The following DSCAM variants were observed in gnomAD, a reference collection of about 807,000 sequenced individuals.
DSCAM encodes cell adhesion molecule DSCAM.
Under a neutral mutation model 217.7 loss-of-function variants are expected in DSCAM, and 47 were observed. The ratio of observed to expected loss-of-function variants is 0.22; its 90% CI spans 0.17 to 0.28. The LOEUF (loss-of-function observed/expected upper bound fraction) is 0.28, where lower values mean the gene tolerates loss of function less well. DSCAM is among the 10% of genes least tolerant of loss of function. DSCAM has a pLI of 1.00. For missense variants in DSCAM, 2,080 were observed against 2,618.3 expected (o/e 0.79, Z 4.49); for synonymous variants, 1,056 against 1,015.3 (o/e 1.04, Z -0.76).
At chr21:40,604,970 G>C (rs2089213233) in intron 3 of DSCAM, among the ~76,000 whole-genome samples, 2 of 152,150 alleles carry the variant, frequency 1.3e-5, no homozygotes, top group Non-Finnish European at 2.9e-5. Context: ...ACAATGTTCT[G>C]GTAAGGTAGC....
intron 6 of DSCAM, among the ~76,000 whole-genome samples, chr21:40,343,047 T>G (rs555438014): frequency 6.2e-4 from 94 of 152,308 alleles, no homozygotes; most frequent in African/African-American, 2.2e-3. Flanking sequence ...GTTTAAAATA[T>G]ATTCCTATCT....
intron 3 of DSCAM, among the ~76,000 whole-genome samples, chr21:40,524,341 T>C (rs1422355964): frequency 6.6e-6 from 1 of 151,740 alleles, no homozygotes; most frequent in African/African-American, 2.4e-5. Context: ...GATAATTCTC[T>C]TTTTTTTCCT....
At chr21:40,391,997 G>A (rs1014385861) in intron 3 of DSCAM, among the ~76,000 whole-genome samples, 9 of 152,158 alleles carry the variant, frequency 5.9e-5, no homozygotes, top group Non-Finnish European at 1.2e-4. Flanking sequence ...GAACCACGCC[G>A]GTGAAATACC....
At chr21:40,737,044 G>A (rs1601192517) in intron 1 of DSCAM, among the ~76,000 whole-genome samples, 1 of 152,176 alleles carries the variant, frequency 6.6e-6, no homozygotes. Flanking sequence ...CAATCAGAAA[G>A]CAAGTTGATG....
intron 11 of DSCAM, among the ~76,000 whole-genome samples, chr21:40,234,315 G>C (rs555329697): frequency 6.6e-6 from 1 of 152,314 alleles, no homozygotes; most frequent in Non-Finnish European, 1.5e-5. Flanking sequence ...CTTTGGACAA[G>C]TAGTTTAACA....
chr21:40,748,996 C>T lies in DSCAM; in HGVS notation c.44-40225G>A, dbSNP rs151010511. On this transcript the variant is annotated intron_variant, in intron 1 of 32. Coordinates refer to ENST00000400454, the MANE Select transcript of DSCAM (RefSeq NM_001389.5). ...CTCATTGGGGAAAGGACAGTATCCT[C>T]AATAAACGGTCCTCGGAAACTGGAT... Among the ~76,000 whole-genome samples, 517 of 152,186 alleles carry T rather than the reference C, an allele frequency of 3.4e-3. 3 individuals are homozygous for T. The highest frequency in any genetic ancestry group is 0.012 in the African/African-American group (492 of 41,534).
chr21:40,016,289 T>G lies in DSCAM; in HGVS notation c.5687-2903A>C, dbSNP rs2088156225. ...GGAGTGGTGACAGAGGAGAAGGGGTTAGGGGTGACTCCTTCCCAGGCTCTA... is the reference window on the plus strand; with the variant it reads ...GGAGTGGTGACAGAGGAGAAGGGGTGAGGGGTGACTCCTTCCCAGGCTCTA... On this transcript the variant is annotated intron_variant, in intron 32 of 32. Transcript: ENST00000400454. The surrounding 1 kb of genome is among the most constrained non-coding windows in gnomAD (Gnocchi z 4.3). Among the ~76,000 whole-genome samples the G allele has an allele frequency of 6.6e-6, 1 of 152,072 alleles. No individual in the cohort carries two copies. The highest frequency in any genetic ancestry group is 2.1e-4 in the South Asian group (1 of 4,828).
At chr21:40,379,580 T>C (rs2075000101) in intron 3 of DSCAM, among the ~76,000 whole-genome samples, 1 of 152,196 alleles carries the variant, frequency 6.6e-6, no homozygotes, top group African/African-American at 2.4e-5. Context: ...TGTCTCTTCC[T>C]GAACTTCTGT....
intron 3 of DSCAM, among the ~76,000 whole-genome samples, chr21:40,425,536 C>A (rs2075464714): frequency 6.7e-6 from 1 of 149,420 alleles, no homozygotes; most frequent in African/African-American, 2.4e-5. Flanking sequence ...TTTTTACCCC[C>A]CCCTAAAAAA....
intron 1 of DSCAM, among the ~76,000 whole-genome samples, chr21:40,746,120 C>T (rs754984130): frequency 6.7e-6 from 1 of 149,916 alleles, no homozygotes; most frequent in Non-Finnish European, 1.5e-5. Flanking sequence ...TCAAGGAAAA[C>T]AATAAGAGAT....
At chr21:40,570,482 A>G (rs1304593494) in intron 3 of DSCAM, among the ~76,000 whole-genome samples, 1 of 152,258 alleles carries the variant, frequency 6.6e-6, no homozygotes, top group East Asian at 1.9e-4. Context: ...CACAATGTTT[A>G]GCATAAAACA....
chr21:40,116,087 TG>T (rs148667560), intron 20 of DSCAM, among the ~76,000 whole-genome samples: 2,583 of 152,300 alleles, frequency 0.017, 78 homozygotes, highest in African/African-American at 0.059. Flanking sequence ...CACTTGTATG[TG>T]GTAGCTAAAT....
intron 8 of DSCAM, among the ~76,000 whole-genome samples, chr21:40,313,718 G>A (rs184548459): frequency 8.5e-4 from 129 of 152,162 alleles, no homozygotes; most frequent in African/African-American, 3.0e-3. Flanking sequence ...CTTAAATCAT[G>A]TCAATATAAC....
intron 2 of DSCAM, among the ~76,000 whole-genome samples, chr21:40,693,867 C>T (rs2090567874): frequency 6.6e-6 from 1 of 152,102 alleles, no homozygotes; most frequent in African/African-American, 2.4e-5. Context: ...CAGGGTGGTA[C>T]TGGTGTTCAG....
chr21:40,272,386 A>G (rs1248175322), intron 11 of DSCAM, among the ~76,000 whole-genome samples: 2 of 152,224 alleles, frequency 1.3e-5, no homozygotes, highest in Admixed American at 6.5e-5. Context: ...GTAACCTTCC[A>G]TCCCATTGAT....
chr21:40,514,802 T>G (rs535748873), intron 3 of DSCAM, among the ~76,000 whole-genome samples: 10 of 152,334 alleles, frequency 6.6e-5, no homozygotes, highest in African/African-American at 2.2e-4. Flanking sequence ...CAACGGAGCT[T>G]ATCAAATCCC....
chr21:40,747,653 T>A (rs536108903), intron 1 of DSCAM, among the ~76,000 whole-genome samples: 442 of 151,948 alleles, frequency 2.9e-3, no homozygotes, highest in African/African-American at 6.5e-3. Context: ...CTAATCTTTC[T>A]CACAAGAATT....
intron 32 of DSCAM, among the ~76,000 whole-genome samples, chr21:40,021,562 G>T (rs895766449): frequency 3.3e-5 from 5 of 152,160 alleles, no homozygotes; most frequent in African/African-American, 1.2e-4. Flanking sequence ...GGGAACCCAG[G>T]CAGCTGCTTT....
At chr21:40,090,940 CT>C (rs373362157) in intron 21 of DSCAM, among the ~76,000 whole-genome samples, 12 of 152,314 alleles carry the variant, frequency 7.9e-5, no homozygotes, top group African/African-American at 2.9e-4. Flanking sequence ...CGTGCCTCCA[CT>C]TATGCTAACT....
Sources: gnomAD v4.1 joint callset for allele counts (sites outside exome capture counted in the v4.1 genomes callset) on GRCh38, gnomAD v4.1.1 for gene constraint, Gnocchi (gnomAD v3.1) non-coding constraint, MANE v1.5 for transcripts, NCBI Gene and HGNC (gene_info 2026-07-23, HGNC 2026-07-21) for gene names.